PARP14: variants seen among roughly 807,000 people sequenced by gnomAD.
The protein encoded by PARP14 is protein mono-ADP-ribosyltransferase PARP14.
PARP14 carries 59 observed loss-of-function variants against 154.2 expected under a neutral mutation model. The ratio of observed to expected loss-of-function variants is 0.38; its 90% CI spans 0.31 to 0.48. The LOEUF (loss-of-function observed/expected upper bound fraction) is 0.48. Ranked by LOEUF, PARP14 falls within the 20% of genes least tolerant of loss-of-function variation. The pLI is 0.98. For missense variants in PARP14, 1,734 were observed against 2,131.6 expected (o/e 0.81, Z 3.67); for synonymous variants, 720 against 780.5 (o/e 0.92, Z 1.29).
intron 12 of PARP14, among the ~76,000 whole-genome samples, chr3:122,717,133 T>C (rs527592962): frequency 1.2e-4 from 18 of 152,352 alleles, no homozygotes; most frequent in Middle Eastern, 3.4e-3. Context: ...TGTGGGGTTG[T>C]CTACATTCCC....
intron 1 of PARP14, 26 bp from the exon 2 acceptor site, chr3:122,685,158 CT>C (rs752535457): frequency 1.7e-5 from 28 of 1,605,498 alleles, no homozygotes; most frequent in East Asian, 2.2e-5. Flanking sequence ...TGTCATTTGT[CT>C]TTTTTCCCCC....
rs1389030657 is a variant in PARP14 at position 122,714,242 on chromosome 3, T to G, written c.3833-20T>G. On this transcript the variant is annotated intron_variant, in intron 11 of 16. Transcript: ENST00000474629. ...GTTCAACTTCTACTAATTTTGCATC[T>G]TTTTGTCTGTGTTTCCCAGCTCAGC... 6.3e-7 allele frequency: 1 copy of G among 1,577,252 alleles called. No individual in the cohort carries two copies. Among genetic ancestry groups the G allele is most frequent in the African/African-American group, 1.4e-5 (1 of 72,826 alleles).
intron 1 of PARP14, among the ~76,000 whole-genome samples, chr3:122,683,635 A>G (rs1938282983): frequency 6.6e-6 from 1 of 152,320 alleles, no homozygotes; most frequent in East Asian, 1.9e-4. Context: ...GTGCAGGTGG[A>G]AGACTGTCCA....
At chr3:122,712,240 C>CTTTTTTTTTTTTTTTTTTTTTTTTTTT (rs55876947) in intron 9 of PARP14, among the ~76,000 whole-genome samples, 1 of 138,358 alleles carries the variant, frequency 7.2e-6, no homozygotes. Flanking sequence ...GGATTCACAT[C>CTTTTTTTTTTTTTTTTTTTTTTTTTTT]TTTTTTTTTT....
intron 11 of PARP14, 40 bp from the exon 12 acceptor site, chr3:122,714,222 A>G (rs1932928439): frequency 6.5e-7 from 1 of 1,541,694 alleles, no homozygotes; most frequent in Non-Finnish European, 8.7e-7. Context: ...GACGGGTTCA[A>G]CTTCTACTAA....
Position 122,708,261 on chromosome 3 carries a change from T to C in PARP14, c.3612T>C (p.Asp1204=), listed in dbSNP as rs376931509. ...GTGACAAAATTCCGAAGGCTAAAGA[T>C]ACACAAGGTTCAGTAAAGCTTCTAA... The part of the protein sequence containing the change: ...LVSDKIPKAK[D]TQGFYGTVSS... The change falls in exon 9 of 17, where the codon GAT becomes GAC. Residue 1204 remains aspartate (D), a synonymous_variant. Coordinates refer to ENST00000474629, the MANE Select transcript of PARP14 (RefSeq NM_017554.3). 1 of 1,546,716 alleles carries C rather than the reference T, an allele frequency of 6.5e-7. No homozygotes were observed. The highest frequency in any genetic ancestry group is 8.8e-7 in the Non-Finnish European group (1 of 1,134,948).
chr3:122,685,056 A>T (rs1938325838), intron 1 of PARP14, 129 bp from the exon 2 acceptor site: 1 of 916,336 alleles, frequency 1.1e-6, no homozygotes, highest in Non-Finnish European at 1.7e-6. Context: ...TTTACTTCAC[A>T]TATAGCCTCT....
chr3:122,711,226 T>C (rs189956374), intron 9 of PARP14, among the ~76,000 whole-genome samples: 1 of 152,344 alleles, frequency 6.6e-6, no homozygotes, highest in African/African-American at 2.4e-5. Context: ...TGTGGATTTG[T>C]CACATATGGC....
At chr3:122,715,334 C>T (rs2107651956) in intron 12 of PARP14, among the ~76,000 whole-genome samples, 1 of 152,244 alleles carries the variant, frequency 6.6e-6, no homozygotes, top group South Asian at 2.1e-4. Context: ...ATCTCTTATG[C>T]TGGCATTCTA....
At position 122,701,546 on chromosome 3, in the gene PARP14, C is replaced by T. The variant is rs767335670; in HGVS notation, c.2992C>T (p.Pro998Ser). The change falls in exon 6 of 17, where the codon CCT becomes TCT. Residue 998 changes from proline to serine, a missense_variant. This residue lies in a region of PARP14 where 1,646 missense variants were observed against 1,976.0 expected (regional missense o/e 0.83). Coordinates refer to ENST00000474629, the MANE Select transcript of PARP14 (RefSeq NM_017554.3). This position sits in a 1 kb window ranked among gnomAD's most constrained non-coding sequence, Gnocchi z 4.0. ...PPGLPPAAAG[P>S]GKTSWEKGSL... ...AGGTTTACCACCAGCAGCAGCGGGG[C>T]CTGGGAAAACATCATGGGAAAAAGG... 9 of 1,611,012 alleles carry T rather than the reference C, an allele frequency of 5.6e-6. No individual in the cohort carries two copies. Among genetic ancestry groups the T allele is most frequent in the Non-Finnish European group, 7.6e-6 (9 of 1,178,358 alleles).
Position 122,720,298 on chromosome 3 carries a change from C to G in PARP14, c.4851C>G (p.Phe1617Leu). 6.2e-7 allele frequency: 1 copy of G among 1,613,254 alleles called. No individual in the cohort carries two copies. Among genetic ancestry groups the G allele is most frequent in the Admixed American group, 1.7e-5 (1 of 59,952 alleles). The change falls in exon 15 of 17, where the codon TTC becomes TTG. Residue 1617 changes from phenylalanine (F) to leucine (L), a missense_variant. Physicochemically the swap from Phe to Leu is conservative, Grantham distance 22 (BLOSUM62 0). Coordinates refer to ENST00000474629, the MANE Select transcript of PARP14 (RefSeq NM_017554.3). ...AHWSDMKQQN[F>L]CVVELLPSDP... ...GGAGTGATATGAAGCAGCAGAATTT[C>G]TGTGTGGTGGAGCTGCTGCCTAGTG...
At chr3:122,690,545 G>A (rs568878375) in intron 3 of PARP14, among the ~76,000 whole-genome samples, 22 of 152,082 alleles carry the variant, frequency 1.4e-4, no homozygotes, top group East Asian at 7.8e-4. Flanking sequence ...TTTCTGAGAC[G>A]GAATCGCCCA....
chr3:122,684,953 A>G (rs954949538), intron 1 of PARP14, among the ~76,000 whole-genome samples: 1 of 152,200 alleles, frequency 6.6e-6, no homozygotes, highest in Non-Finnish European at 1.5e-5. Context: ...CTGAGGCCTT[A>G]TAAGTATGGC....
chr3:122,707,522 C>T (rs1192760783), intron 8 of PARP14, among the ~76,000 whole-genome samples: 1 of 152,096 alleles, frequency 6.6e-6, no homozygotes, highest in Non-Finnish European at 1.5e-5. Context: ...CCTTTAATCC[C>T]TGCACTTTGG....
At chr3:122,725,824 C>T (rs1184755242) in intron 15 of PARP14, among the ~76,000 whole-genome samples, 1 of 152,092 alleles carries the variant, frequency 6.6e-6, no homozygotes, top group African/African-American at 2.4e-5. Context: ...ATATTAATCT[C>T]TGTTTTCTAT....
At chr3:122,692,268 C>T (rs1390678727) in intron 3 of PARP14, 33 bp from the exon 4 acceptor site, 7 of 1,585,612 alleles carry the variant, frequency 4.4e-6, no homozygotes, top group African/African-American at 1.3e-5. Context: ...ATAAGTATAA[C>T]ATCTTGTACC....
chr3:122,721,167 C>T (rs1933157594), intron 15 of PARP14: 1 of 302,550 alleles, frequency 3.3e-6, no homozygotes, highest in Non-Finnish European at 6.4e-6. Flanking sequence ...GTCTCTGTAC[C>T]TCACCAGGGA....
At chr3:122,718,017 C>G (rs1209773532) in intron 12 of PARP14, 54 bp from the exon 13 acceptor site, 2 of 1,354,268 alleles carry the variant, frequency 1.5e-6, no homozygotes, top group Non-Finnish European at 2.1e-6. Context: ...TATTCCTCAG[C>G]CTTCCACTTG....
chr3:122,693,826 G>T (rs1408350997), intron 4 of PARP14, among the ~76,000 whole-genome samples: 4 of 146,502 alleles, frequency 2.7e-5, no homozygotes, highest in Non-Finnish European at 5.9e-5. Flanking sequence ...GGGTGACAGA[G>T]TGAGACCCCG....
Sources: allele counts gnomAD v4.1 joint callset (sites outside exome capture counted in the v4.1 genomes callset), GRCh38; gene constraint gnomAD v4.1.1; regional missense constraint gnomAD v4.1.1; non-coding constraint Gnocchi (gnomAD v3.1); transcripts MANE v1.5; gene names NCBI Gene and HGNC (gene_info 2026-07-23, HGNC 2026-07-21).